The following FBXO11 variants were observed in gnomAD, a reference collection of about 807,000 sequenced individuals.
The protein encoded by FBXO11 is F-box only protein 11.
FBXO11 carries 13 observed loss-of-function variants against 117.0 expected under a neutral mutation model. The observed-to-expected ratio is 0.11, with a 90% CI of 0.07 to 0.18. The LOEUF is 0.18. FBXO11 is among the 10% of genes least tolerant of loss of function. The pLI is 1.00. For missense variants in FBXO11, 767 were observed against 1,164.4 expected (o/e 0.66, Z 4.97); for synonymous variants, 490 against 380.5 (o/e 1.29, Z -3.35).
intron 1 of FBXO11, among the ~76,000 whole-genome samples, chr2:47,894,583 C>T (rs540977059): frequency 6.6e-6 from 1 of 152,254 alleles, no homozygotes; most frequent in African/African-American, 2.4e-5. Context: ...ATGTCTTCCA[C>T]TCCTCAAAGC....
chr2:47,881,014 G>A (rs1329927900), intron 1 of FBXO11, among the ~76,000 whole-genome samples: 1 of 152,132 alleles, frequency 6.6e-6, no homozygotes, highest in Non-Finnish European at 1.5e-5. Context: ...CAGCACTTTG[G>A]GAGGCTGAGG....
intron 1 of FBXO11, among the ~76,000 whole-genome samples, chr2:47,875,727 A>G (rs1675954489): frequency 6.6e-6 from 1 of 152,006 alleles, no homozygotes; most frequent in African/African-American, 2.4e-5. Flanking sequence ...ACAAGTCATA[A>G]TATCTACCCT....
Position 47,839,020 on chromosome 2 carries a change from A to G in FBXO11, c.443-17T>C. ...CAGGTGCTGCTATAAAGAGATTAAC[A>G]TATAAACTATCATTCGAGCAATAAC... On this transcript the variant is annotated splice_polypyrimidine_tract_variant and intron_variant, in intron 3 of 22. Coordinates refer to ENST00000403359, the MANE Select transcript of FBXO11 (RefSeq NM_001190274.2). 1 of 1,592,970 alleles carries G rather than the reference A, an allele frequency of 6.3e-7. No homozygotes were observed. Among genetic ancestry groups the G allele is most frequent in the Non-Finnish European group, 8.5e-7 (1 of 1,169,696 alleles).
chr2:47,865,207 T>C (rs1327245874), intron 1 of FBXO11, among the ~76,000 whole-genome samples: 1 of 152,134 alleles, frequency 6.6e-6, no homozygotes, highest in Admixed American at 6.5e-5. Context: ...CCCAAATCTA[T>C]TTACCCCTTC....
In FBXO11 at chr2:47,851,989, A is replaced by ATT. The variant is rs1191001581; in HGVS notation, c.233-12222_233-12221dup. 1.2e-3 allele frequency among the ~76,000 whole-genome samples: 161 copies of ATT among 132,846 alleles called. 1 individual carries two copies. Among genetic ancestry groups the ATT allele is most frequent in the Middle Eastern group, 3.7e-3 (1 of 270 alleles). The allele number at this position is 132,846 out of a possible 152,430, so 87.2% of individuals were successfully genotyped here. On this transcript the variant is annotated intron_variant, in intron 1 of 22. Coordinates refer to ENST00000403359, the MANE Select transcript of FBXO11 (RefSeq NM_001190274.2). ...TAGTAGTCTCTGTATCAAGCAACCA[A>ATT]TTTTTTTTTTTTTTTTTTTTGAGGC... is the stretch of plus-strand genomic sequence containing the variant.
At chr2:47,864,364 G>A (rs539960986) in intron 1 of FBXO11, among the ~76,000 whole-genome samples, 1 of 152,232 alleles carries the variant, frequency 6.6e-6, no homozygotes, top group Admixed American at 6.5e-5. Context: ...AGGGCAGGCA[G>A]ATCACCTGAG....
intron 1 of FBXO11, among the ~76,000 whole-genome samples, chr2:47,869,005 C>T (rs1244979160): frequency 6.6e-6 from 1 of 152,192 alleles, no homozygotes; most frequent in Non-Finnish European, 1.5e-5. Context: ...AAGAAGTGGC[C>T]TTTTGAAGAT....
At chr2:47,808,877 T>A in intron 21 of FBXO11, 1 of 305,448 alleles carries the variant, frequency 3.3e-6, no homozygotes, top group Non-Finnish European at 6.0e-6. Context: ...TGTTTTGTTT[T>A]GTAGAGACAG....
Position 47,905,668 on chromosome 2 carries a change from C to G in FBXO11, c.53G>C (p.Arg18Pro). Residue 18 changes from arginine to proline, a missense_variant, in exon 1 of 23, where the codon CGC (arginine) becomes CCC (proline). Around this residue, in one of 10 missense-constraint regions of FBXO11, gnomAD observed 355 missense variants for 299.8 expected, o/e 1.18. Transcript: ENST00000403359. ...CTGCTGCTGCTGTTGCTGCACCGGG[C>G]GCGGCCGCGACACTCGCCTGGGTCT... is the stretch of plus-strand genomic sequence containing the variant. ...NRRPRRVSRPRPVQQQQQQPP... is the reference protein window; with the variant it reads ...NRRPRRVSRPPPVQQQQQQPP... The G allele has an allele frequency of 6.7e-7, 1 of 1,501,468 alleles. No homozygotes were observed. The highest frequency in any genetic ancestry group is 2.8e-5 in the East Asian group (1 of 35,224). The allele number at this position is 1,501,468 out of a possible 1,614,324, so 93.0% of individuals were successfully genotyped here.
At chr2:47,841,197 C>CAAA in intron 1 of FBXO11, among the ~76,000 whole-genome samples, 1 of 150,106 alleles carries the variant, frequency 6.7e-6, no homozygotes, top group African/African-American at 2.4e-5. Context: ...GACTCCGTCT[C>CAAA]AAAAAAAAAC....
At chr2:47,855,426 A>AT (rs1469002711) in intron 1 of FBXO11, among the ~76,000 whole-genome samples, 1 of 151,814 alleles carries the variant, frequency 6.6e-6, no homozygotes, top group Non-Finnish European at 1.5e-5. Flanking sequence ...CTCCAAGACT[A>AT]TTTAATGTAA....
At chr2:47,827,614 A>G (rs1029212538) in intron 11 of FBXO11, among the ~76,000 whole-genome samples, 1 of 152,128 alleles carries the variant, frequency 6.6e-6, no homozygotes, top group African/African-American at 2.4e-5. Flanking sequence ...GCCTGCTTCA[A>G]GACGTATTTT....
intron 1 of FBXO11, among the ~76,000 whole-genome samples, chr2:47,880,504 TC>T (rs1558468496): frequency 6.6e-6 from 1 of 152,220 alleles, no homozygotes; most frequent in East Asian, 1.9e-4. Flanking sequence ...AATCAGAATG[TC>T]CAGTGTTTTA....
intron 1 of FBXO11, among the ~76,000 whole-genome samples, chr2:47,839,976 C>T (rs1157825985): frequency 6.6e-6 from 1 of 151,560 alleles, no homozygotes; most frequent in Non-Finnish European, 1.5e-5. Context: ...CAGAGTCTCG[C>T]TCTGTCGCCC....
chr2:47,819,585 T>C (rs1671239006), intron 14 of FBXO11, among the ~76,000 whole-genome samples: 1 of 152,200 alleles, frequency 6.6e-6, no homozygotes, highest in Non-Finnish European at 1.5e-5. Flanking sequence ...TTAAGTGGTT[T>C]TATACTTTTA....
At chr2:47,875,471 T>C (rs1180342254) in intron 1 of FBXO11, among the ~76,000 whole-genome samples, 2 of 148,478 alleles carry the variant, frequency 1.3e-5, no homozygotes, top group Non-Finnish European at 3.0e-5. Context: ...ATCTTCCTTC[T>C]AGGAGATTCT....
chr2:47,880,754 G>T (rs77852256), intron 1 of FBXO11, among the ~76,000 whole-genome samples: 1 of 151,936 alleles, frequency 6.6e-6, no homozygotes, highest in African/African-American at 2.4e-5. Flanking sequence ...ACTCCACCTG[G>T]TATGTTAAAA....
chr2:47,810,444 C>G lies in FBXO11; in HGVS notation c.2228-18G>C, dbSNP rs1347692132. The G allele has an allele frequency of 2.1e-5, 32 of 1,543,830 alleles. No individual in the cohort carries two copies. The highest frequency in any genetic ancestry group is 2.8e-5 in the Non-Finnish European group (31 of 1,125,270). ...AAGGAGACCTATAATAAAATATTTC[C>G]TTAGATTAAGGCTAATGCATATAAC... On this transcript the variant is annotated intron_variant, in intron 18 of 22. Coordinates refer to ENST00000403359, the MANE Select transcript of FBXO11 (RefSeq NM_001190274.2).
Position 47,808,046 on chromosome 2 carries a change from T to G in FBXO11, c.*72A>C. ...CTTCCTGTAGCATGGGCAAATATTT[T>G]AAATCTTCTTCCAAAAAAGTGTTTT... On this transcript the variant is annotated 3_prime_UTR_variant, in exon 23 of 23. Coordinates refer to ENST00000403359, the MANE Select transcript of FBXO11 (RefSeq NM_001190274.2). The G allele has an allele frequency of 7.3e-7, 1 of 1,375,178 alleles. No individual in the cohort carries two copies. The allele number at this position is 1,375,178 out of a possible 1,614,324, so 85.2% of individuals were successfully genotyped here.
Sources: gnomAD v4.1 joint callset for allele counts (sites outside exome capture counted in the v4.1 genomes callset) on GRCh38, gnomAD v4.1.1 for gene constraint, gnomAD v4.1.1 regional missense constraint, MANE v1.5 for transcripts, NCBI Gene and HGNC (gene_info 2026-07-23, HGNC 2026-07-21) for gene names.